The following COX7B2 variants were observed in gnomAD, a reference collection of about 807,000 sequenced individuals.
The protein encoded by COX7B2 is cytochrome c oxidase subunit 7B2, mitochondrial.
For missense variants in COX7B2, 109 were observed against 95.9 expected (o/e 1.14, Z -0.57); for synonymous variants, 37 against 32.1 (o/e 1.15, Z -0.51).
chr4:46,794,844 A>G (rs1718239313), intron 2 of COX7B2, among the ~76,000 whole-genome samples: 1 of 152,196 alleles, frequency 6.6e-6, no homozygotes, highest in Non-Finnish European at 1.5e-5. Flanking sequence ...AGCCTACTAA[A>G]TTCTTTCTTG....
At chr4:46,774,956 A>G (rs1235899687) in intron 2 of COX7B2, among the ~76,000 whole-genome samples, 1 of 152,150 alleles carries the variant, frequency 6.6e-6, no homozygotes, top group African/African-American at 2.4e-5. Context: ...ACTTACTTTA[A>G]TATATAAACA....
chr4:46,773,093 T>C (rs1716963990), intron 2 of COX7B2, among the ~76,000 whole-genome samples: 2 of 152,160 alleles, frequency 1.3e-5, no homozygotes. Flanking sequence ...TTGCAACACA[T>C]GAAATACGAT....
intron 1 of COX7B2, among the ~76,000 whole-genome samples, chr4:46,851,180 T>G (rs1325772423): frequency 6.6e-6 from 1 of 152,022 alleles, no homozygotes; most frequent in Non-Finnish European, 1.5e-5. Context: ...AATCCACTTG[T>G]AACAAGAAAA....
At chr4:46,746,840 T>G (rs1356189944) in intron 2 of COX7B2, among the ~76,000 whole-genome samples, 1 of 152,206 alleles carries the variant, frequency 6.6e-6, no homozygotes, top group African/African-American at 2.4e-5. Context: ...TTTGTTTACT[T>G]AAACTTGATT....
At chr4:46,755,461 A>T (rs1715730194) in intron 2 of COX7B2, among the ~76,000 whole-genome samples, 1 of 152,020 alleles carries the variant, frequency 6.6e-6, no homozygotes, top group Non-Finnish European at 1.5e-5. Flanking sequence ...AGAAACCCTC[A>T]ACAGAGTAAT....
At chr4:46,862,761 TA>T (rs1717415166) in intron 1 of COX7B2, among the ~76,000 whole-genome samples, 1 of 152,218 alleles carries the variant, frequency 6.6e-6, no homozygotes, top group African/African-American at 2.4e-5. Flanking sequence ...AATCAGGAAG[TA>T]ACTTTGAATG....
chr4:46,858,345 C>T (rs549921139), intron 1 of COX7B2, among the ~76,000 whole-genome samples: 2 of 152,262 alleles, frequency 1.3e-5, no homozygotes, highest in South Asian at 2.1e-4. Flanking sequence ...ATCCTCCTGC[C>T]TCGGCCTCCC....
chr4:46,809,038 A>C (rs979391317), intron 2 of COX7B2, among the ~76,000 whole-genome samples: 3 of 151,848 alleles, frequency 2.0e-5, no homozygotes, highest in Admixed American at 2.0e-4. Flanking sequence ...TGATACCTAC[A>C]ATCTTGGTAG....
chr4:46,871,943 C>T (rs1048477545), intron 1 of COX7B2, among the ~76,000 whole-genome samples: 1 of 152,118 alleles, frequency 6.6e-6, no homozygotes, highest in African/African-American at 2.4e-5. Context: ...AGAAGAACTA[C>T]CATTCAACCC....
chr4:46,903,755 C>G (rs1720209467), intron 1 of COX7B2: 1 of 152,164 alleles, frequency 6.6e-6, no homozygotes, highest in African/African-American at 2.4e-5. Flanking sequence ...AAAGTAACAT[C>G]CTGTACAGGT....
intron 2 of COX7B2, among the ~76,000 whole-genome samples, chr4:46,824,202 A>G (rs1714509489): frequency 6.6e-6 from 1 of 152,198 alleles, no homozygotes; most frequent in African/African-American, 2.4e-5. Context: ...AAAAAAGCCC[A>G]GGACCTGATG....
At chr4:46,744,439 T>C (rs1281065285) in intron 2 of COX7B2, among the ~76,000 whole-genome samples, 3 of 152,106 alleles carry the variant, frequency 2.0e-5, no homozygotes, top group Non-Finnish European at 1.5e-5. Flanking sequence ...GCTATAATCG[T>C]TGTCTCAGTC....
chr4:46,895,423 G>A (rs1257869597), intron 1 of COX7B2, among the ~76,000 whole-genome samples: 1 of 152,230 alleles, frequency 6.6e-6, no homozygotes, highest in African/African-American at 2.4e-5. Context: ...TCACTCATAA[G>A]TGGGAGCTAA....
At chr4:46,747,476 G>A (rs12502328) in intron 2 of COX7B2, among the ~76,000 whole-genome samples, 49,317 of 151,110 alleles carry the variant, frequency 0.33, 8,281 homozygotes, top group South Asian at 0.47. Flanking sequence ...GCTAATTTTT[G>A]TATTTTTAAT....
intron 1 of COX7B2, among the ~76,000 whole-genome samples, chr4:46,880,368 T>C (rs920461555): frequency 6.6e-6 from 1 of 150,730 alleles, no homozygotes; most frequent in Non-Finnish European, 1.5e-5. Context: ...CTTCTTTCTA[T>C]AATACATCCG....
chr4:46,753,092 A>G (rs1196634870), intron 2 of COX7B2, among the ~76,000 whole-genome samples: 1 of 152,148 alleles, frequency 6.6e-6, no homozygotes, highest in Non-Finnish European at 1.5e-5. Context: ...CCTCAATTTC[A>G]GAGCCTGTTA....
intron 2 of COX7B2, among the ~76,000 whole-genome samples, chr4:46,796,223 A>T (rs1718330726): frequency 6.8e-6 from 1 of 146,838 alleles, no homozygotes; most frequent in African/African-American, 2.7e-5. Flanking sequence ...CCTGGCCAGA[A>T]CTTCCAACAC....
At chr4:46,848,896 G>A (rs921179805) in intron 1 of COX7B2, among the ~76,000 whole-genome samples, 2 of 151,716 alleles carry the variant, frequency 1.3e-5, no homozygotes, top group African/African-American at 4.8e-5. Context: ...ATATAAAATG[G>A]TGTCATATTT....
chr4:46,844,759 CTACT>C (rs531858099), intron 2 of COX7B2, among the ~76,000 whole-genome samples, 197 bp downstream of exon 2: 1 of 151,988 alleles, frequency 6.6e-6, no homozygotes, highest in South Asian at 2.1e-4. Context: ...AAACATTTGT[CTACT>C]TAAACTGACA....
Sources: gnomAD v4.1 joint callset for allele counts (sites outside exome capture counted in the v4.1 genomes callset) on GRCh38, gnomAD v4.1.1 for gene constraint, MANE v1.5 for transcripts, NCBI Gene and HGNC (gene_info 2026-07-23, HGNC 2026-07-21) for gene names.